The following CDH18 variants were observed in gnomAD, a reference collection of about 807,000 sequenced individuals.
CDH18 encodes cadherin-18.
Under a neutral mutation model 67.9 loss-of-function variants are expected in CDH18, and 31 were observed. The observed-to-expected ratio is 0.46, with a 90% CI of 0.34 to 0.62. CDH18 has a LOEUF of 0.62. CDH18 is among the 20% of genes least tolerant of loss of function. The pLI, the probability that CDH18 is intolerant of heterozygous loss-of-function variation, is 0.01. For synonymous variants in CDH18, 362 were observed against 347.2 expected, an observed-to-expected ratio of 1.04 and a Z score of -0.48; for missense variants, 890 against 975.5, an observed-to-expected ratio of 0.91 and a Z score of 1.17.
At chr5:20,320,455 A>T (rs961348317) in intron 1 of CDH18, among the ~76,000 whole-genome samples, 2 of 152,026 alleles carry the variant, frequency 1.3e-5, no homozygotes, top group African/African-American at 4.8e-5. Context: ...GAAACCTGAA[A>T]CTCTTTCCCT....
intron 1 of CDH18, among the ~76,000 whole-genome samples, chr5:20,353,545 C>T (rs1741377675): frequency 6.6e-6 from 1 of 152,134 alleles, no homozygotes; most frequent in Non-Finnish European, 1.5e-5. Context: ...TCGTCATTCA[C>T]CCTAATCCTA....
intron 1 of CDH18, among the ~76,000 whole-genome samples, chr5:20,361,245 C>A (rs1580830924): frequency 6.6e-6 from 1 of 151,868 alleles, no homozygotes; most frequent in South Asian, 2.1e-4. Flanking sequence ...TACTACAAAA[C>A]ATTATGTGCT....
intron 1 of CDH18, among the ~76,000 whole-genome samples, chr5:20,393,432 T>G: frequency 6.6e-6 from 1 of 152,024 alleles, no homozygotes; most frequent in East Asian, 1.9e-4. Flanking sequence ...TCACTGCTGG[T>G]ATAGACGAAC....
At chr5:19,728,771 T>G (rs1767195927) in intron 4 of CDH18, among the ~76,000 whole-genome samples, 2 of 152,136 alleles carry the variant, frequency 1.3e-5, no homozygotes, top group South Asian at 4.1e-4. Flanking sequence ...GAACTTTGAG[T>G]AAAAATAAGC....
chr5:19,972,406 T>C (rs1798115065), intron 2 of CDH18, among the ~76,000 whole-genome samples: 1 of 152,086 alleles, frequency 6.6e-6, no homozygotes, highest in Admixed American at 6.6e-5. Context: ...ATTGAAAGTC[T>C]GCATCCAAAT....
chr5:19,939,319 T>G (rs1794599202), intron 2 of CDH18, among the ~76,000 whole-genome samples: 1 of 151,556 alleles, frequency 6.6e-6, no homozygotes, highest in Non-Finnish European at 1.5e-5. Context: ...GGCATAATTT[T>G]AAATGTGATT....
intron 4 of CDH18, among the ~76,000 whole-genome samples, chr5:19,731,447 T>A (rs1379743239): frequency 6.6e-6 from 1 of 151,964 alleles, no homozygotes; most frequent in African/African-American, 2.4e-5. Flanking sequence ...TGAGACTCCA[T>A]CTCAACAACA....
intron 1 of CDH18, among the ~76,000 whole-genome samples, chr5:20,501,566 TATAA>T (rs1470150267): frequency 1.1e-4 from 1 of 9,228 alleles, no homozygotes; most frequent in South Asian, 1.7e-3. Flanking sequence ...AATATATATA[TATAA>T]TATATATATA....
intron 2 of CDH18, among the ~76,000 whole-genome samples, chr5:20,042,143 G>A (rs1354071336): frequency 6.6e-6 from 1 of 152,112 alleles, no homozygotes; most frequent in South Asian, 2.1e-4. Context: ...CCAGCTGAGA[G>A]TACCTTTTTT....
chr5:19,513,785 A>G (rs1745489572), intron 10 of CDH18, among the ~76,000 whole-genome samples: 1 of 151,706 alleles, frequency 6.6e-6, no homozygotes, highest in African/African-American at 2.4e-5. Flanking sequence ...TTGTTTTTTC[A>G]TTTAAGTTTG....
rs1478178949 is a variant in CDH18, at chr5:19,538,565, A to G, written c.1390+5304T>C. On this transcript the variant is annotated intron_variant, in intron 9 of 12. Transcript: ENST00000382275. ...TTACTTCACAATATAAATTTAAAAAATAAATAACAAAATAAACGTTAGTGA... is the reference window on the plus strand; with the variant it reads ...TTACTTCACAATATAAATTTAAAAAGTAAATAACAAAATAAACGTTAGTGA... Among the ~76,000 whole-genome samples the G allele has an allele frequency of 3.3e-5, 5 of 152,228 alleles. No individual in the cohort carries two copies. In the East Asian group the frequency reaches 9.6e-4, roughly 29 times the overall value.
chr5:20,096,074 C>G (rs1241507583), intron 2 of CDH18, among the ~76,000 whole-genome samples: 4 of 151,974 alleles, frequency 2.6e-5, no homozygotes, highest in Non-Finnish European at 5.9e-5. Flanking sequence ...GATGGAGAAG[C>G]AGCAATAATT....
At chr5:20,307,315 T>C (rs1235129496) in intron 1 of CDH18, among the ~76,000 whole-genome samples, 1 of 152,088 alleles carries the variant, frequency 6.6e-6, no homozygotes, top group Non-Finnish European at 1.5e-5. Context: ...GGCTTTAGCA[T>C]TGAGAATGGA....
At chr5:20,002,677 A>G (rs1033912499) in intron 2 of CDH18, among the ~76,000 whole-genome samples, 1 of 152,212 alleles carries the variant, frequency 6.6e-6, no homozygotes, top group Non-Finnish European at 1.5e-5. Context: ...ATTACAAAAG[A>G]AAAATAGGGA....
chr5:20,111,489 A>G (rs1021058546), intron 2 of CDH18, among the ~76,000 whole-genome samples: 5 of 151,392 alleles, frequency 3.3e-5, no homozygotes, highest in Non-Finnish European at 5.9e-5. Context: ...AACAGAAGTA[A>G]TATAAAATCT....
At chr5:20,327,648 A>G (rs1738729007) in intron 1 of CDH18, among the ~76,000 whole-genome samples, 1 of 152,208 alleles carries the variant, frequency 6.6e-6, no homozygotes, top group African/African-American at 2.4e-5. Flanking sequence ...ACTCTGAAAA[A>G]TAATCAAACA....
chr5:20,012,007 G>C (rs1205582093), intron 2 of CDH18, among the ~76,000 whole-genome samples: 2 of 152,060 alleles, frequency 1.3e-5, no homozygotes, highest in African/African-American at 4.8e-5. Context: ...AGTTTCAGTA[G>C]GAATGATACC....
intron 1 of CDH18, among the ~76,000 whole-genome samples, chr5:20,378,701 A>G (rs1743665791): frequency 6.6e-6 from 1 of 152,094 alleles, no homozygotes; most frequent in Admixed American, 6.6e-5. Flanking sequence ...TCTGATTCTA[A>G]GGTATTCATT....
chr5:20,176,981 A>G (rs1737285031), intron 2 of CDH18, among the ~76,000 whole-genome samples: 1 of 152,172 alleles, frequency 6.6e-6, no homozygotes, highest in Non-Finnish European at 1.5e-5. Flanking sequence ...ATTATAACAG[A>G]GAATTATTCT....
Sources: allele counts gnomAD v4.1 joint callset (sites outside exome capture counted in the v4.1 genomes callset), GRCh38; gene constraint gnomAD v4.1.1; transcripts MANE v1.5; gene names NCBI Gene and HGNC (gene_info 2026-07-23, HGNC 2026-07-21).